PCA3: variants seen among roughly 807,000 people sequenced by gnomAD.
The protein encoded by PCA3 is prostate cancer associated 3.
At chr9:76,765,981 G>T (rs1470731130) in intron 2 of PCA3, among the ~76,000 whole-genome samples, 1 of 152,010 alleles carries the variant, frequency 6.6e-6, no homozygotes, top group East Asian at 1.9e-4. Context: ...AAGAGATTGA[G>T]ACCATCCTGG....
intron 2 of PCA3, among the ~76,000 whole-genome samples, chr9:76,773,536 C>T (rs112838418): frequency 0.032 from 4,794 of 151,304 alleles, 227 homozygotes; most frequent in African/African-American, 0.1. Context: ...CTCCACCTCC[C>T]GGGTTCAAGG....
rs1589094664 is a variant in PCA3 at position 76,765,542 on chromosome 9, T to C, written n.852+28927T>C. 2.0e-5 allele frequency among the ~76,000 whole-genome samples: 3 copies of C among 152,318 alleles called. No homozygotes were observed. The East Asian group carries it at 5.8e-4, about 29-fold the overall frequency. On this transcript the variant is annotated intron_variant and non_coding_transcript_variant, in intron 2 of 5. Coordinates refer to ENST00000644657, the Ensembl canonical transcript of PCA3. ...AATTGCATTCTAGCAATTAGCACAC[T>C]GTCTGATGGGGAGGTGGCTCAATCT...
At chr9:76,781,584 T>C (rs73653209) in intron 2 of PCA3, among the ~76,000 whole-genome samples, 10,676 of 152,268 alleles carry the variant, frequency 0.07, 1,010 homozygotes, top group African/African-American at 0.22. Flanking sequence ...ATAGGTTATA[T>C]ACATTTTCTT....
intron 2 of PCA3, chr9:76,783,893 T>C (rs995270404): frequency 1.3e-5 from 2 of 152,242 alleles, no homozygotes; most frequent in Admixed American, 6.5e-5. Flanking sequence ...CAGAGGTAAG[T>C]GCTTTATAAA....
chr9:76,773,168 G>A (rs1266766779), intron 2 of PCA3, among the ~76,000 whole-genome samples: 2 of 152,148 alleles, frequency 1.3e-5, no homozygotes, highest in Admixed American at 6.5e-5. Flanking sequence ...CACCAAAGCG[G>A]TCTTTTGTTG....
intron 2 of PCA3, among the ~76,000 whole-genome samples, chr9:76,772,596 G>T (rs1589137893): frequency 1.3e-5 from 2 of 152,238 alleles, no homozygotes; most frequent in East Asian, 1.9e-4. Flanking sequence ...ACAGGGTCTT[G>T]CTTGTCCCCC....
At chr9:76,771,052 C>T (rs512781) in intron 2 of PCA3, among the ~76,000 whole-genome samples, 72,215 of 151,542 alleles carry the variant, frequency 0.48, 17,574 homozygotes, top group East Asian at 0.67. Flanking sequence ...CTTGAGAAAT[C>T]GACAAAAAAT....
rs869289049 is a variant in PCA3, at chr9:76,774,450, C to CTTT, written n.853-34108_853-34106dup. Reference sequence around the variant, plus strand: ...ATCGTTCCTGGCCTCCAGTTCAACCCTTTTTTTTTTTTTTTTTTTTTTTTT... The same window carrying CTTT: ...ATCGTTCCTGGCCTCCAGTTCAACCCTTTTTTTTTTTTTTTTTTTTTTTTTTTT... On this transcript the variant is annotated intron_variant and non_coding_transcript_variant, in intron 2 of 5. Coordinates refer to ENST00000644657, the Ensembl canonical transcript of PCA3. Among the ~76,000 whole-genome samples, 15 of 41,394 alleles carry CTTT rather than the reference C, an allele frequency of 3.6e-4. 1 individual carries two copies. The highest frequency in any genetic ancestry group is 2.0e-3 in the South Asian group (2 of 1,012). The allele number at this position is 41,394 out of a possible 152,430, so 27.2% of individuals were successfully genotyped here.
Position 76,774,465 on chromosome 9 carries a change from T to TA in PCA3, n.853-34118_853-34117insA, listed in dbSNP as rs761395945. ...CAGTTCAACCCTTTTTTTTTTTTTT[T>TA]TTTTTTTTTTTTGAGATGGAGTCTC... On this transcript the variant is annotated intron_variant and non_coding_transcript_variant, in intron 2 of 5. Transcript: ENST00000644657. 4.4e-4 allele frequency among the ~76,000 whole-genome samples: 60 copies of TA among 136,910 alleles called. 2 individuals carry two copies. The highest frequency in any genetic ancestry group is 1.3e-3 in the African/African-American group (45 of 35,766). 89.8% of individuals were successfully genotyped at this position (136,910 alleles called of 152,430 possible).
chr9:76,785,012 T>C (rs2054826022), intron 2 of PCA3: 1 of 152,190 alleles, frequency 6.6e-6, no homozygotes, highest in African/African-American at 2.4e-5. Flanking sequence ...AAGTCCTTTA[T>C]CCCTCCCCTT....
chr9:76,776,881 T>A (rs1462034620), intron 2 of PCA3, among the ~76,000 whole-genome samples: 4 of 136,398 alleles, frequency 2.9e-5, no homozygotes, highest in African/African-American at 1.1e-4. Context: ...TCTTTCTCAT[T>A]ACCAAAACAC....
chr9:76,772,355 G>A (rs762400690), intron 2 of PCA3, among the ~76,000 whole-genome samples: 44 of 151,732 alleles, frequency 2.9e-4, no homozygotes, highest in Non-Finnish European at 4.7e-4. Flanking sequence ...TTTTTAAATG[G>A]CAATAGTCAT....
At chr9:76,775,140 C>CG (rs1195879774) in intron 2 of PCA3, among the ~76,000 whole-genome samples, 2 of 152,014 alleles carry the variant, frequency 1.3e-5, no homozygotes, top group African/African-American at 2.4e-5. Flanking sequence ...TTTATTTGGT[C>CG]GGGGGGAAAG....
chr9:76,781,765 T>C (rs974325417), intron 2 of PCA3, among the ~76,000 whole-genome samples: 2 of 152,188 alleles, frequency 1.3e-5, no homozygotes, highest in Admixed American at 6.5e-5. Context: ...GCACATAGCA[T>C]ATAGTGTTGG....
intron 2 of PCA3, among the ~76,000 whole-genome samples, chr9:76,769,878 T>C (rs934290857): frequency 4.6e-5 from 7 of 152,136 alleles, no homozygotes; most frequent in African/African-American, 1.4e-4. Context: ...CATTCTGTCA[T>C]AGTTTCTCAA....
intron 2 of PCA3, among the ~76,000 whole-genome samples, chr9:76,775,389 C>A (rs910736884): frequency 6.6e-6 from 1 of 152,178 alleles, no homozygotes; most frequent in Non-Finnish European, 1.5e-5. Context: ...CTTGACCTTC[C>A]AGGCTCAAGC....
intron 2 of PCA3, among the ~76,000 whole-genome samples, chr9:76,766,465 C>T (rs1310123764): frequency 6.6e-6 from 1 of 152,106 alleles, no homozygotes; most frequent in Non-Finnish European, 1.5e-5. Flanking sequence ...TAAAATAAAA[C>T]ACATATTAGA....
intron 2 of PCA3, among the ~76,000 whole-genome samples, chr9:76,771,286 C>A (rs1445526654): frequency 2.0e-5 from 3 of 152,106 alleles, no homozygotes; most frequent in Admixed American, 2.0e-4. Context: ...CCTCAATGGT[C>A]ATCAACTTAG....
At chr9:76,766,199 CT>C (rs1408800320) in intron 2 of PCA3, among the ~76,000 whole-genome samples, 1 of 138,574 alleles carries the variant, frequency 7.2e-6, no homozygotes, top group African/African-American at 2.6e-5. Flanking sequence ...AAAAAAAAAA[CT>C]CTTTAGAAAT....
Sources: allele counts gnomAD v4.1 joint callset (sites outside exome capture counted in the v4.1 genomes callset), GRCh38; gene constraint gnomAD v4.1.1; transcripts MANE v1.5; gene names NCBI Gene and HGNC (gene_info 2026-07-23, HGNC 2026-07-21).